The following RABEP1 variants were observed in gnomAD, a reference collection of about 807,000 sequenced individuals.
RABEP1 encodes rabaptin, RAB GTPase binding effector protein 1.
RABEP1 carries 51 observed loss-of-function variants against 123.4 expected under a neutral mutation model. That is an observed-to-expected ratio of 0.41 (90% CI 0.33 to 0.52). RABEP1 has a LOEUF of 0.52. RABEP1 is among the 20% of genes least tolerant of loss of function. The pLI is 0.16. For synonymous variants in RABEP1, 347 were observed against 355.2 expected, an observed-to-expected ratio of 0.98 and a Z score of 0.26; for missense variants, 888 against 996.3, an observed-to-expected ratio of 0.89 and a Z score of 1.46.
Position 5,377,108 on chromosome 17 carries a change from G to T in RABEP1, c.2026-8G>T. 6.3e-7 allele frequency: 1 copy of T among 1,582,458 alleles called. No homozygotes were observed. Among genetic ancestry groups the T allele is most frequent in the South Asian group, 1.2e-5 (1 of 84,036 alleles). The stretch of plus-strand genomic sequence containing the variant: ...CAAACCCAATAATCATTTGTTTCTT[G>T]AATCCAGGCACTGCGGGAGTTGGTA... On this transcript the variant is annotated splice_region_variant and splice_polypyrimidine_tract_variant and intron_variant, in intron 13 of 17. Coordinates refer to ENST00000537505, the MANE Select transcript of RABEP1 (RefSeq NM_004703.6).
At chr17:5,308,612 G>T (rs1597340293) in intron 1 of RABEP1, 82 bp from the exon 2 acceptor site, 1 of 1,241,042 alleles carries the variant, frequency 8.1e-7, no homozygotes, top group Non-Finnish European at 1.1e-6. Flanking sequence ...GTATAGCAAT[G>T]TACAGCTAGA....
At chr17:5,361,096 G>T in intron 8 of RABEP1, 112 bp from the exon 9 acceptor site, 1 of 920,442 alleles carries the variant, frequency 1.1e-6, no homozygotes. Flanking sequence ...TGTGAAGGTA[G>T]CACATTAATG....
intron 10 of RABEP1, 73 bp downstream of exon 10, chr17:5,363,089 C>T (rs1046771756): frequency 1.2e-5 from 13 of 1,102,850 alleles, no homozygotes; most frequent in South Asian, 1.0e-4. Context: ...TTGCCCCCCT[C>T]TCCGGCCCCA....
intron 12 of RABEP1, among the ~76,000 whole-genome samples, chr17:5,371,029 C>A (rs977725725): frequency 6.6e-6 from 1 of 151,560 alleles, no homozygotes; most frequent in African/African-American, 2.4e-5. Flanking sequence ...TGCAGTGGCG[C>A]GATCTCGGCT....
chr17:5,288,639 TCC>T (rs2144440230), intron 1 of RABEP1, among the ~76,000 whole-genome samples: 1 of 152,222 alleles, frequency 6.6e-6, no homozygotes, highest in South Asian at 2.1e-4. Flanking sequence ...AGATGATGCA[TCC>T]GCCTTGGCCT....
chr17:5,346,679 G>C, intron 5 of RABEP1, 111 bp from the exon 6 acceptor site: 1 of 611,676 alleles, frequency 1.6e-6, no homozygotes, highest in South Asian at 6.0e-5. Flanking sequence ...TTATGTAGAT[G>C]TAAAAGTAAG....
chr17:5,336,686 G>A, intron 4 of RABEP1: 1 of 268,246 alleles, frequency 3.7e-6, no homozygotes, highest in Non-Finnish European at 7.3e-6. Context: ...CTTGATTTGT[G>A]ATCAGTTCTT....
rs57661400 is a variant in RABEP1, at chr17:5,323,723, A to AAT, written c.164-8215_164-8214dup. 1.0e-4 allele frequency among the ~76,000 whole-genome samples: 7 copies of AAT among 69,228 alleles called. 2 individuals carry two copies. The highest frequency in any genetic ancestry group is 6.3e-4 in the African/African-American group (7 of 11,086). The allele number at this position is 69,228 out of a possible 152,430, so 45.4% of individuals were successfully genotyped here. On this transcript the variant is annotated intron_variant, in intron 2 of 17. Transcript: ENST00000537505. ...CTAGGAATATATATATATATCTAGG[A>AAT]ATATATATATATCTAGGAATATATA...
chr17:5,355,585 C>T (rs892253628), intron 8 of RABEP1, among the ~76,000 whole-genome samples: 11 of 152,126 alleles, frequency 7.2e-5, no homozygotes, highest in Admixed American at 4.6e-4. Flanking sequence ...CACTTCCCTG[C>T]GGCACCTCCT....
intron 17 of RABEP1, 53 bp downstream of exon 17, chr17:5,381,558 G>T: frequency 6.4e-7 from 1 of 1,570,196 alleles, no homozygotes; most frequent in South Asian, 1.2e-5. Flanking sequence ...TTGGGGGACA[G>T]AACCTTGCCG....
intron 8 of RABEP1, among the ~76,000 whole-genome samples, chr17:5,359,054 G>A (rs991381380): frequency 8.6e-5 from 13 of 150,954 alleles, no homozygotes; most frequent in Non-Finnish European, 1.2e-4. Flanking sequence ...GAGCTACTGC[G>A]CCAGGCCTGT....
chr17:5,321,086 G>A (rs1010460965), intron 2 of RABEP1, among the ~76,000 whole-genome samples: 1 of 152,148 alleles, frequency 6.6e-6, no homozygotes, highest in Non-Finnish European at 1.5e-5. Flanking sequence ...GAGGTGGGAG[G>A]ATCACTTGAG....
intron 13 of RABEP1, among the ~76,000 whole-genome samples, chr17:5,375,809 A>G (rs1910944608): frequency 6.6e-6 from 1 of 152,144 alleles, no homozygotes; most frequent in Non-Finnish European, 1.5e-5. Flanking sequence ...TTTGTCAGGA[A>G]AGAATCCTGT....
chr17:5,336,437 G>A (rs1217605504), intron 4 of RABEP1: 7 of 464,456 alleles, frequency 1.5e-5, no homozygotes, highest in Admixed American at 1.2e-4. Context: ...GTCCATTTTT[G>A]TATTCAGATT....
In RABEP1 at chr17:5,282,317, T is replaced by A. The variant is rs2074931327; in HGVS notation, c.-170T>A. On this transcript the variant is annotated 5_prime_UTR_variant, in exon 1 of 18. Transcript: ENST00000537505. ...GAGGAGGCGGAGGTCGGCGGTCGGGTCCGTCTCTGCCCGCGGCTGTGGCGG... is the reference window on the plus strand; with the variant it reads ...GAGGAGGCGGAGGTCGGCGGTCGGGACCGTCTCTGCCCGCGGCTGTGGCGG... The A allele has an allele frequency of 2.2e-6, 1 of 449,042 alleles. No homozygotes were observed. Among genetic ancestry groups the A allele is most frequent in the Admixed American group, 4.4e-5 (1 of 22,622 alleles). 27.8% of individuals were successfully genotyped at this position (449,042 alleles called of 1,614,324 possible). A position where few individuals can be genotyped will look rare whatever the true frequency, so the allele number is the denominator to read the frequency against.
At chr17:5,300,205 G>A (rs1212913635) in intron 1 of RABEP1, among the ~76,000 whole-genome samples, 1 of 152,162 alleles carries the variant, frequency 6.6e-6, no homozygotes, top group Non-Finnish European at 1.5e-5. Context: ...CTTGAAGGCT[G>A]TTACATTACA....
At chr17:5,369,262 T>C (rs938202829) in intron 12 of RABEP1, among the ~76,000 whole-genome samples, 1 of 152,164 alleles carries the variant, frequency 6.6e-6, no homozygotes, top group Non-Finnish European at 1.5e-5. Context: ...CCTTTGCAGA[T>C]AGTCCCCAGG....
chr17:5,383,389 GCAAA>G lies in RABEP1; in HGVS notation c.*169_*172del, dbSNP rs1248820008. 3 of 619,040 alleles carry G rather than the reference GCAAA, an allele frequency of 4.8e-6. No individual in the cohort carries two copies. Among genetic ancestry groups the G allele is most frequent in the Non-Finnish European group, 5.7e-6 (2 of 353,772 alleles). 38.3% of individuals were successfully genotyped at this position (619,040 alleles called of 1,614,324 possible). ...AGAAGACTGTGCGGCACAGGAAACA[GCAAA>G]CAGTGGGGTGATCTGCAGCCCAGAG... On this transcript the variant is annotated 3_prime_UTR_variant, in exon 18 of 18. Transcript: ENST00000537505.
At chr17:5,378,309 A>T in intron 15 of RABEP1, 77 bp downstream of exon 15, 1 of 1,362,076 alleles carries the variant, frequency 7.3e-7, no homozygotes, top group Non-Finnish European at 1.0e-6. Context: ...GCACCCAACG[A>T]ATAAAAAATA....
Sources: gnomAD v4.1 joint callset for allele counts (sites outside exome capture counted in the v4.1 genomes callset) on GRCh38, gnomAD v4.1.1 for gene constraint, MANE v1.5 for transcripts, NCBI Gene and HGNC (gene_info 2026-07-23, HGNC 2026-07-21) for gene names.